The following SRPK2 variants were observed in gnomAD, a reference collection of about 807,000 sequenced individuals.
The protein encoded by SRPK2 is SRSF protein kinase 2.
Under a neutral mutation model 90.8 loss-of-function variants are expected in SRPK2, and 21 were observed. The observed-to-expected ratio is 0.23, with a 90% CI of 0.16 to 0.33. The LOEUF (loss-of-function observed/expected upper bound fraction) is 0.33. SRPK2 is among the 10% of genes least tolerant of loss of function. SRPK2 has a pLI of 1.00. For missense variants in SRPK2, 620 were observed against 869.0 expected (o/e 0.71, Z 3.60); for synonymous variants, 288 against 311.1 (o/e 0.93, Z 0.78).
Position 105,261,951 on chromosome 7 carries a change from G to C in SRPK2, c.72-58166C>G, listed in dbSNP as rs895446208. On this transcript the variant is annotated intron_variant, in intron 2 of 15. Transcript: ENST00000393651. Reference sequence around the variant, plus strand: ...CATGACCAAAGGAAGAGATACATGAGACAAGGCTGGAGAGGGAGATGAGGA... The same window carrying C: ...CATGACCAAAGGAAGAGATACATGACACAAGGCTGGAGAGGGAGATGAGGA... Among the ~76,000 whole-genome samples, 11 of 152,282 alleles carry C rather than the reference G, an allele frequency of 7.2e-5. 1 individual carries two copies. Among genetic ancestry groups the C allele is most frequent in the African/African-American group, 2.6e-4 (11 of 41,556 alleles).
intron 3 of SRPK2, among the ~76,000 whole-genome samples, chr7:105,197,371 G>A (rs1281312978): frequency 6.6e-6 from 1 of 152,166 alleles, no homozygotes; most frequent in East Asian, 1.9e-4. Flanking sequence ...GTGTGTGACA[G>A]GTTAAGTATT....
At chr7:105,371,297 G>A (rs1035412930) in intron 2 of SRPK2, among the ~76,000 whole-genome samples, 14 of 151,578 alleles carry the variant, frequency 9.2e-5, no homozygotes, top group African/African-American at 3.2e-4. Flanking sequence ...CCAGCTACTC[G>A]GGAACATGGT....
At chr7:105,301,234 G>C (rs1253628741) in intron 2 of SRPK2, among the ~76,000 whole-genome samples, 2 of 150,686 alleles carry the variant, frequency 1.3e-5, no homozygotes, top group African/African-American at 4.9e-5. Context: ...ATGAGGTCAG[G>C]AGATCAAGAC....
intron 15 of SRPK2, among the ~76,000 whole-genome samples, chr7:105,118,731 A>C (rs1489193214): frequency 6.6e-6 from 1 of 152,048 alleles, no homozygotes; most frequent in Admixed American, 6.5e-5. Context: ...CAGCCTGGGT[A>C]ACATAGACCA....
intron 2 of SRPK2, among the ~76,000 whole-genome samples, chr7:105,216,039 C>T (rs1797419243): frequency 1.3e-5 from 2 of 149,420 alleles, no homozygotes; most frequent in Non-Finnish European, 3.0e-5. Flanking sequence ...TGCACTCCAG[C>T]CTGGGCAATA....
chr7:105,256,680 G>A (rs901488511), intron 2 of SRPK2, among the ~76,000 whole-genome samples: 1 of 152,064 alleles, frequency 6.6e-6, no homozygotes, highest in Non-Finnish European at 1.5e-5. Context: ...AAAATGAAGA[G>A]ATTTGACATA....
intron 2 of SRPK2, chr7:105,302,222 G>T (rs1453098364): frequency 6.9e-6 from 5 of 727,266 alleles, no homozygotes; most frequent in Non-Finnish European, 2.4e-6. Context: ...TAAAAAGGTT[G>T]TAAGTTGAAA....
At position 105,170,778 on chromosome 7, in the gene SRPK2, A is replaced by AGGAAGGAAGGAAGGAAGGAAGGAAGGAC. The variant is rs1408311048; in HGVS notation, c.230-1514_230-1513insGTCCTTCCTTCCTTCCTTCCTTCCTTCC. 2.2e-4 allele frequency among the ~76,000 whole-genome samples: 17 copies of AGGAAGGAAGGAAGGAAGGAAGGAAGGAC among 78,112 alleles called. 1 individual carries two copies. The highest frequency in any genetic ancestry group is 5.3e-4 in the African/African-American group (10 of 18,996). The allele number at this position is 78,112 out of a possible 152,430, so 51.2% of individuals were successfully genotyped here. A position where few individuals can be genotyped will look rare whatever the true frequency, so the allele number is the denominator to read the frequency against. ...AAGGAAGGAAGGAAGGAAGGAAGGA[A>AGGAAGGAAGGAAGGAAGGAAGGAAGGAC]GGACGGGAGGGAGGGAGGGAGGGAG... On this transcript the variant is annotated intron_variant, in intron 3 of 15. Transcript: ENST00000393651.
intron 2 of SRPK2, among the ~76,000 whole-genome samples, chr7:105,233,489 T>G (rs1799765388): frequency 6.6e-6 from 1 of 152,116 alleles, no homozygotes; most frequent in South Asian, 2.1e-4. Flanking sequence ...ATGAGAGAAT[T>G]AGAGATCAGT....
intron 2 of SRPK2, among the ~76,000 whole-genome samples, chr7:105,334,969 T>C (rs755735669): frequency 6.8e-6 from 1 of 147,438 alleles, no homozygotes; most frequent in African/African-American, 2.6e-5. Context: ...AGGAGTTCGA[T>C]ATCAGTCTGG....
chr7:105,216,918 G>T (rs751896885), intron 2 of SRPK2, among the ~76,000 whole-genome samples: 12 of 152,154 alleles, frequency 7.9e-5, no homozygotes, highest in Non-Finnish European at 1.5e-4. Context: ...TATTAAAAGA[G>T]ATGACACATA....
chr7:105,126,292 A>C lies in SRPK2; in HGVS notation c.1871T>G (p.Phe624Cys). 6.2e-7 allele frequency: 1 copy of C among 1,614,142 alleles called. No homozygotes were observed. The highest frequency in any genetic ancestry group is 8.5e-7 in the Non-Finnish European group (1 of 1,180,002). Residue 624 changes from phenylalanine (F) to cysteine (C), a missense_variant, in exon 15 of 16, where the codon TTT becomes TGT. By Grantham distance (205) the Phe-to-Cys change is radical. Coordinates refer to ENST00000393651, the MANE Select transcript of SRPK2 (RefSeq NM_182692.3). ...CCGAGAATATTTTCCAGATAGAGCA[A>C]AGTGCCTTGGAATACTGCCTAGCAG... ...IELLGSIPRH[F>C]ALSGKYSREF...
chr7:105,142,530 C>T (rs1244449550), intron 10 of SRPK2, 40 bp from the exon 11 acceptor site: 3 of 1,553,226 alleles, frequency 1.9e-6, no homozygotes, highest in Non-Finnish European at 2.6e-6. Flanking sequence ...ACTTGTTACT[C>T]TCCTTAATAC....
intron 2 of SRPK2, among the ~76,000 whole-genome samples, chr7:105,376,046 T>C (rs927068694): frequency 2.4e-5 from 3 of 126,020 alleles, no homozygotes; most frequent in African/African-American, 9.1e-5. Flanking sequence ...CAGGCTGGAG[T>C]GCAGTGTCGT....
intron 2 of SRPK2, among the ~76,000 whole-genome samples, chr7:105,315,214 C>G (rs1812185250): frequency 1.3e-5 from 2 of 152,110 alleles, no homozygotes; most frequent in African/African-American, 4.8e-5. Context: ...CCATTTTATA[C>G]TCTTCTGGAA....
chr7:105,211,265 T>C (rs965712999), intron 2 of SRPK2, among the ~76,000 whole-genome samples: 31 of 152,174 alleles, frequency 2.0e-4, no homozygotes, highest in African/African-American at 7.2e-4. Flanking sequence ...TTTAAATAAT[T>C]GAAATGGCCA....
intron 2 of SRPK2, among the ~76,000 whole-genome samples, chr7:105,275,095 G>C (rs1365516700): frequency 1.3e-5 from 2 of 151,982 alleles, no homozygotes; most frequent in African/African-American, 4.8e-5. Flanking sequence ...CACCATGTTG[G>C]CTAGGCTGGT....
rs143291959 is a variant in SRPK2, at chr7:105,245,869, T to A, written c.72-42084A>T. Among the ~76,000 whole-genome samples, 6 of 152,140 alleles carry A rather than the reference T, an allele frequency of 3.9e-5. No individual in the cohort carries two copies. In the East Asian group the frequency reaches 1.2e-3, roughly 29 times the overall value. ...GAGTAGCCACAACTACAGGCACACA[T>A]CATCGCACCCAGCTGGAGACACTTT... On this transcript the variant is annotated intron_variant, in intron 2 of 15. Transcript: ENST00000393651.
chr7:105,249,007 C>G (rs1035436664), intron 2 of SRPK2, among the ~76,000 whole-genome samples: 1 of 152,098 alleles, frequency 6.6e-6, no homozygotes, highest in African/African-American at 2.4e-5. Flanking sequence ...ATTCTGTCCA[C>G]GTGTGCTAGT....
Sources: gnomAD v4.1 joint callset for allele counts (sites outside exome capture counted in the v4.1 genomes callset) on GRCh38, gnomAD v4.1.1 for gene constraint, MANE v1.5 for transcripts, NCBI Gene and HGNC (gene_info 2026-07-23, HGNC 2026-07-21) for gene names.